Variants in NGF observed in about 807,000 individuals in gnomAD.
NGF encodes nerve growth factor, also known as beta-nerve growth factor.
A neutral mutation model predicts 12.8 loss-of-function variants in NGF; 4 were observed. That is an observed-to-expected ratio of 0.31 (90% confidence interval 0.15 to 0.72). The LOEUF (loss-of-function observed/expected upper bound fraction) is 0.72. NGF is among the 30% of genes least tolerant of loss of function. The pLI, the probability that NGF is intolerant of heterozygous loss-of-function variation, is 0.69. For missense variants in NGF, 283 were observed against 330.8 expected (o/e 0.86, Z 1.12); for synonymous variants, 140 against 130.0 (o/e 1.08, Z -0.52).
intron 1 of NGF, among the ~76,000 whole-genome samples, chr1:115,334,600 C>A (rs988792742): frequency 6.6e-6 from 1 of 152,086 alleles, no homozygotes; most frequent in African/African-American, 2.4e-5. Context: ...CTTCTGGAGC[C>A]CCAGTTTGAT....
intron 1 of NGF, among the ~76,000 whole-genome samples, chr1:115,323,565 G>A (rs969888092): frequency 6.6e-6 from 1 of 152,186 alleles, no homozygotes; most frequent in African/African-American, 2.4e-5. Flanking sequence ...GACTACATCT[G>A]TGGGAAAATC....
intron 1 of NGF, among the ~76,000 whole-genome samples, chr1:115,308,279 A>C (rs916960481): frequency 4.6e-5 from 7 of 152,248 alleles, no homozygotes; most frequent in African/African-American, 1.7e-4. Flanking sequence ...GCAGTTGGTC[A>C]GTGAACAGGC....
intron 1 of NGF, among the ~76,000 whole-genome samples, chr1:115,296,565 A>G (rs1271320488): frequency 6.6e-6 from 1 of 152,150 alleles, no homozygotes; most frequent in African/African-American, 2.4e-5. Flanking sequence ...GGACCAAGTC[A>G]CCTTGGTGCA....
intron 1 of NGF, among the ~76,000 whole-genome samples, chr1:115,322,576 T>C (rs1279917811): frequency 6.6e-6 from 1 of 152,102 alleles, no homozygotes; most frequent in East Asian, 1.9e-4. Context: ...CCTGTCTAAA[T>C]AGTGGCTTGA....
chr1:115,302,402 A>T (rs1430162376), intron 1 of NGF, among the ~76,000 whole-genome samples: 2 of 152,258 alleles, frequency 1.3e-5, no homozygotes, highest in Non-Finnish European at 2.9e-5. Context: ...TTTCTTGTCC[A>T]GAATTTCCTT....
chr1:115,286,236 C>T lies in NGF; in HGVS notation c.560G>A (p.Ser187Asn), dbSNP rs1571069395. 6.2e-7 allele frequency: 1 copy of T among 1,614,208 alleles called. No homozygotes were observed. The highest frequency in any genetic ancestry group is 8.5e-7 in the Non-Finnish European group (1 of 1,180,034). The part of the protein sequence containing the change: ...TKCRDPNPVD[S>N]GCRGIDSKHW... ...CTTTGAGTCAATGCCCCGGCACCCGCTGTCAACGGGATTTGGGTCCCGGCA... is the reference window on the plus strand; with the variant it reads ...CTTTGAGTCAATGCCCCGGCACCCGTTGTCAACGGGATTTGGGTCCCGGCA... The change falls in exon 3 of 3, where the codon AGC becomes AAC. Residue 187 changes from serine to asparagine, a missense_variant. Around this residue, in one of 2 missense-constraint regions of NGF, gnomAD observed 132 missense variants for 189.2 expected, o/e 0.70. Transcript: ENST00000369512.
chr1:115,334,892 C>T (rs1488415134), intron 1 of NGF, among the ~76,000 whole-genome samples: 1 of 152,160 alleles, frequency 6.6e-6, no homozygotes, highest in Non-Finnish European at 1.5e-5. Flanking sequence ...GAAAGTGAGG[C>T]CTGAGAAGCT....
At chr1:115,309,430 T>C (rs1319052669) in intron 1 of NGF, among the ~76,000 whole-genome samples, 1 of 152,214 alleles carries the variant, frequency 6.6e-6, no homozygotes, top group Non-Finnish European at 1.5e-5. Context: ...GAATAGCTTT[T>C]AAAATTATTA....
At chr1:115,331,591 G>C (rs904877223) in intron 1 of NGF, among the ~76,000 whole-genome samples, 7 of 152,194 alleles carry the variant, frequency 4.6e-5, no homozygotes, top group Non-Finnish European at 8.8e-5. Flanking sequence ...CAGAGTTTTG[G>C]CTTTTCAGTC....
chr1:115,311,923 C>T (rs1053284402), intron 1 of NGF, among the ~76,000 whole-genome samples: 1 of 152,176 alleles, frequency 6.6e-6, no homozygotes, highest in Non-Finnish European at 1.5e-5. Context: ...CCAAGTGTTA[C>T]CAATTGTGGC....
chr1:115,321,233 G>T (rs1045455427), intron 1 of NGF, among the ~76,000 whole-genome samples: 3 of 152,134 alleles, frequency 2.0e-5, no homozygotes, highest in African/African-American at 4.8e-5. Context: ...ACTATGTATG[G>T]TTTTTTCCAC....
chr1:115,328,152 A>C (rs1208186316), intron 1 of NGF, among the ~76,000 whole-genome samples: 6 of 122,712 alleles, frequency 4.9e-5, no homozygotes, highest in Non-Finnish European at 3.2e-5. Flanking sequence ...GCCCAGTGGG[A>C]GGGCATTTTA....
intron 1 of NGF, among the ~76,000 whole-genome samples, chr1:115,318,749 C>A (rs1010793981): frequency 6.6e-6 from 1 of 152,182 alleles, no homozygotes; most frequent in Non-Finnish European, 1.5e-5. Flanking sequence ...CCCTACTCTC[C>A]CAACAGTAAG....
chr1:115,317,033 A>C (rs1422128939), intron 1 of NGF, among the ~76,000 whole-genome samples: 2 of 152,090 alleles, frequency 1.3e-5, no homozygotes, highest in Non-Finnish European at 2.9e-5. Context: ...GCGATCTAGA[A>C]GTGCTATATT....
chr1:115,318,325 A>T (rs1654524893), intron 1 of NGF, among the ~76,000 whole-genome samples: 1 of 152,098 alleles, frequency 6.6e-6, no homozygotes, highest in Admixed American at 6.5e-5. Flanking sequence ...CGAGAATTGG[A>T]CAGTGCTTCC....
chr1:115,315,829 A>G (rs902888110), intron 1 of NGF, among the ~76,000 whole-genome samples: 1 of 152,140 alleles, frequency 6.6e-6, no homozygotes, highest in Non-Finnish European at 1.5e-5. Context: ...CTCTCATTGT[A>G]CTGTCGAGGA....
At chr1:115,299,304 G>A (rs890073999) in intron 1 of NGF, among the ~76,000 whole-genome samples, 5 of 152,090 alleles carry the variant, frequency 3.3e-5, no homozygotes, top group Non-Finnish European at 7.4e-5. Flanking sequence ...GGAAATTTGT[G>A]GGTAAATTTC....
intron 1 of NGF, among the ~76,000 whole-genome samples, chr1:115,307,201 G>T (rs1199566867): frequency 6.6e-6 from 1 of 152,178 alleles, no homozygotes; most frequent in Non-Finnish European, 1.5e-5. Flanking sequence ...GATGCTATTT[G>T]TAGAGGAAAA....
At chr1:115,312,494 T>C (rs900790672) in intron 1 of NGF, among the ~76,000 whole-genome samples, 5 of 152,176 alleles carry the variant, frequency 3.3e-5, no homozygotes, top group African/African-American at 9.7e-5. Flanking sequence ...CAACTTGGGA[T>C]ATAAATTTTG....
Sources: gnomAD v4.1 joint callset for allele counts (sites outside exome capture counted in the v4.1 genomes callset) on GRCh38, gnomAD v4.1.1 for gene constraint, gnomAD v4.1.1 regional missense constraint, MANE v1.5 for transcripts, NCBI Gene and HGNC (gene_info 2026-07-23, HGNC 2026-07-21) for gene names.